The following GALNTL6 variants were observed in gnomAD, a reference collection of about 807,000 sequenced individuals.
GALNTL6 encodes the protein polypeptide N-acetylgalactosaminyltransferase like 6, also known as polypeptide N-acetylgalactosaminyltransferase-like 6.
In GALNTL6, 46 loss-of-function variants were observed where a neutral mutation model predicts 73.7. The ratio of observed to expected loss-of-function variants is 0.62; its 90% CI spans 0.49 to 0.80. The LOEUF is 0.80. Ranked by LOEUF, GALNTL6 falls within the 30% of genes least tolerant of loss-of-function variation. The pLI, the probability that GALNTL6 is intolerant of heterozygous loss-of-function variation, is 0.00. For synonymous variants in GALNTL6, 259 were observed against 263.7 expected (o/e 0.98, Z 0.17); for missense variants, 604 against 755.0 (o/e 0.80, Z 2.34).
intron 5 of GALNTL6, among the ~76,000 whole-genome samples, chr4:172,767,303 G>A (rs763146597): frequency 1.3e-5 from 2 of 152,194 alleles, no homozygotes; most frequent in Non-Finnish European, 2.9e-5. Flanking sequence ...ACAGAGGCCA[G>A]ATGTTTTCAC....
chr4:171,989,603 C>G (rs1415025848), intron 2 of GALNTL6, among the ~76,000 whole-genome samples: 1 of 152,164 alleles, frequency 6.6e-6, no homozygotes, highest in African/African-American at 2.4e-5. Context: ...ACAGTGGAGG[C>G]AAGGAATTGC....
chr4:171,840,349 T>G (rs942902150), intron 2 of GALNTL6, among the ~76,000 whole-genome samples: 7 of 152,316 alleles, frequency 4.6e-5, no homozygotes, highest in Admixed American at 3.9e-4. Flanking sequence ...AGTTGAGGTC[T>G]CAGCATCTCA....
chr4:172,658,421 C>T (rs1176412283), intron 5 of GALNTL6, among the ~76,000 whole-genome samples: 3 of 146,930 alleles, frequency 2.0e-5, no homozygotes, highest in Non-Finnish European at 4.5e-5. Flanking sequence ...GAGCCGAGAT[C>T]GCACCACTGC....
intron 5 of GALNTL6, among the ~76,000 whole-genome samples, chr4:172,532,256 G>C (rs1434438513): frequency 6.6e-6 from 1 of 152,160 alleles, no homozygotes; most frequent in African/African-American, 2.4e-5. Flanking sequence ...ATAAGGACTG[G>C]TATCCTTATA....
At chr4:171,937,680 G>A (rs755006395) in intron 2 of GALNTL6, among the ~76,000 whole-genome samples, 2 of 152,084 alleles carry the variant, frequency 1.3e-5, no homozygotes, top group Non-Finnish European at 2.9e-5. Context: ...AGGTGAAACA[G>A]TTTCACACCT....
At chr4:171,829,397 T>G (rs999020395) in intron 2 of GALNTL6, among the ~76,000 whole-genome samples, 1 of 152,116 alleles carries the variant, frequency 6.6e-6, no homozygotes, top group African/African-American at 2.4e-5. Context: ...TATTGGACTC[T>G]TACAGCTTCA....
At chr4:172,366,319 C>G (rs1742556593) in intron 5 of GALNTL6, among the ~76,000 whole-genome samples, 1 of 152,072 alleles carries the variant, frequency 6.6e-6, no homozygotes, top group African/African-American at 2.4e-5. Flanking sequence ...TGTATAAATA[C>G]AAACTACAAA....
intron 2 of GALNTL6, among the ~76,000 whole-genome samples, chr4:172,184,085 C>T (rs76470327): frequency 0.039 from 5,882 of 152,224 alleles, 208 homozygotes; most frequent in Non-Finnish European, 0.058. Context: ...CCACCGCATC[C>T]GGCCGCAGAC....
intron 5 of GALNTL6, among the ~76,000 whole-genome samples, chr4:172,529,010 C>CAA (rs201304681): frequency 9.4e-6 from 1 of 106,858 alleles, no homozygotes; most frequent in Admixed American, 1.1e-4. Flanking sequence ...TATATATACA[C>CAA]ACACACACAC....
intron 5 of GALNTL6, among the ~76,000 whole-genome samples, chr4:172,794,160 G>C (rs1470207363): frequency 1.3e-5 from 2 of 152,122 alleles, no homozygotes; most frequent in East Asian, 3.8e-4. Flanking sequence ...GAGGTTATTG[G>C]CTATTTAAAG....
chr4:171,856,459 GAA>G, intron 2 of GALNTL6, among the ~76,000 whole-genome samples: 1 of 152,034 alleles, frequency 6.6e-6, no homozygotes, highest in Middle Eastern at 3.4e-3. Flanking sequence ...AATTTTTTAT[GAA>G]TCATATATTT....
chr4:172,564,107 C>G (rs1031452690), intron 5 of GALNTL6, among the ~76,000 whole-genome samples: 8 of 152,156 alleles, frequency 5.3e-5, no homozygotes, highest in Admixed American at 4.6e-4. Flanking sequence ...ATTACCCTCT[C>G]GTGTCTTAAA....
chr4:172,677,529 T>G (rs559470976), intron 5 of GALNTL6, among the ~76,000 whole-genome samples: 2 of 152,272 alleles, frequency 1.3e-5, no homozygotes, highest in African/African-American at 4.8e-5. Flanking sequence ...GGTTCTAGTC[T>G]TAAGGAGTTT....
At chr4:172,889,851 G>C (rs1745932444) in intron 8 of GALNTL6, among the ~76,000 whole-genome samples, 1 of 151,980 alleles carries the variant, frequency 6.6e-6, no homozygotes, top group Non-Finnish European at 1.5e-5. Context: ...TCGTTGTATG[G>C]TTGGTAAAAT....
intron 7 of GALNTL6, among the ~76,000 whole-genome samples, chr4:172,864,041 T>C (rs1033542680): frequency 1.3e-5 from 2 of 152,206 alleles, no homozygotes; most frequent in Non-Finnish European, 2.9e-5. Context: ...CCCTCTTGCC[T>C]GCTGCCATGT....
chr4:172,702,429 T>G (rs1434830772), intron 5 of GALNTL6, among the ~76,000 whole-genome samples: 9 of 152,074 alleles, frequency 5.9e-5, no homozygotes, highest in Non-Finnish European at 7.4e-5. Context: ...TGCTTAAACT[T>G]TCTTTGTAGA....
intron 10 of GALNTL6, among the ~76,000 whole-genome samples, chr4:172,963,234 G>A (rs1203005951): frequency 3.3e-5 from 5 of 152,076 alleles, no homozygotes; most frequent in African/African-American, 7.2e-5. Context: ...TATGGCTCCC[G>A]CCCTTACTTC....
At chr4:172,412,861 C>A (rs1744496287) in intron 5 of GALNTL6, among the ~76,000 whole-genome samples, 1 of 152,012 alleles carries the variant, frequency 6.6e-6, no homozygotes, top group Non-Finnish European at 1.5e-5. Flanking sequence ...ATAAGTGGAC[C>A]AATAATGTTA....
At chr4:172,631,275 G>T (rs1166312624) in intron 5 of GALNTL6, among the ~76,000 whole-genome samples, 1 of 151,850 alleles carries the variant, frequency 6.6e-6, no homozygotes, top group Non-Finnish European at 1.5e-5. Flanking sequence ...CTCCCGAGTA[G>T]CTGAGACTAC....
Sources: gnomAD v4.1 joint callset for allele counts (sites outside exome capture counted in the v4.1 genomes callset) on GRCh38, gnomAD v4.1.1 for gene constraint, MANE v1.5 for transcripts, NCBI Gene and HGNC (gene_info 2026-07-23, HGNC 2026-07-21) for gene names.